EPDR1: variants seen among roughly 807,000 people sequenced by gnomAD.
EPDR1 encodes ependymin related 1, also known as mammalian ependymin-related protein 1.
In EPDR1, 27 loss-of-function variants were observed where a neutral mutation model predicts 23.7. The ratio of observed to expected loss-of-function variants is 1.14; its 90% CI spans 0.84 to 1.57. The LOEUF is 1.57. Ranked by LOEUF, EPDR1 falls within the 40% of genes most tolerant of loss-of-function variation. EPDR1 has a pLI of 0.00. For missense variants in EPDR1, 349 were observed against 290.4 expected, an observed-to-expected ratio of 1.20 and a Z score of -1.47; for synonymous variants, 137 against 118.2, an observed-to-expected ratio of 1.16 and a Z score of -1.03.
chr7:37,937,398 G>T (rs2722250), intron 1 of EPDR1, among the ~76,000 whole-genome samples: 51,555 of 151,938 alleles, frequency 0.34, 8,906 homozygotes, highest in South Asian at 0.46. Flanking sequence ...AAATGAAAAA[G>T]CCTTTGCATT....
intron 1 of EPDR1, among the ~76,000 whole-genome samples, chr7:37,931,656 G>T (rs1036904728): frequency 1.3e-5 from 2 of 152,124 alleles, no homozygotes; most frequent in South Asian, 4.2e-4. Context: ...TCCAGGTAAG[G>T]TGTAGTTTTA....
rs960574845 is a variant in EPDR1 at position 37,951,194 on chromosome 7, G to A, written c.*798G>A. On this transcript the variant is annotated 3_prime_UTR_variant, in exon 3 of 3. Coordinates refer to ENST00000199448, the MANE Select transcript of EPDR1 (RefSeq NM_017549.5). ...AATACACAGGCAGTATTCTAAAATA[G>A]CACTGAACAGGGAGTCAGGAGACTA... 6.6e-6 allele frequency: 1 copy of A among 152,152 alleles called. No individual in the cohort carries two copies. The highest frequency in any genetic ancestry group is 2.1e-4 in the South Asian group (1 of 4,826). The allele number at this position is 152,152 out of a possible 1,614,324, so 9.4% of individuals were successfully genotyped here.
chr7:37,942,657 A>C (rs752420518), intron 1 of EPDR1, among the ~76,000 whole-genome samples: 1 of 152,180 alleles, frequency 6.6e-6, no homozygotes, highest in Non-Finnish European at 1.5e-5. Flanking sequence ...TATTTAGAAG[A>C]ATATATGTCC....
chr7:37,922,670 G>GGGC (rs904890338), intron 1 of EPDR1, among the ~76,000 whole-genome samples: 3 of 151,234 alleles, frequency 2.0e-5, no homozygotes, highest in Non-Finnish European at 4.4e-5. Flanking sequence ...GAAGCTAGGG[G>GGGC]GGGGTTCTGA....
chr7:37,949,147 T>A, intron 2 of EPDR1, 99 bp downstream of exon 2: 1 of 1,215,416 alleles, frequency 8.2e-7, no homozygotes, highest in Non-Finnish European at 1.2e-6. Flanking sequence ...AACATCCGCT[T>A]AATCAAAAAT....
At position 37,950,378 on chromosome 7, in the gene EPDR1, C is replaced by T. The variant is rs771549927; in HGVS notation, c.657C>T (p.Ser219=). 1.1e-5 allele frequency: 18 copies of T among 1,612,772 alleles called. No individual in the cohort carries two copies. Among genetic ancestry groups the T allele is most frequent in the Middle Eastern group, 1.7e-4 (1 of 6,058 alleles). ...AGATGGCCCAACTGGAGAAGATGAG[C>T]GAAGACTGCTCCTGGTGAGCCTGTG... is the stretch of plus-strand genomic sequence containing the variant. ...TCQMAQLEKM[S]EDCSW The change falls in exon 3 of 3, where the codon AGC becomes AGT. Residue 219 remains serine (S), a synonymous_variant. Transcript: ENST00000199448.
intron 1 of EPDR1, among the ~76,000 whole-genome samples, chr7:37,944,334 A>G (rs1786230257): frequency 6.6e-6 from 1 of 152,134 alleles, no homozygotes; most frequent in South Asian, 2.1e-4. Context: ...TGACTATTAG[A>G]CCTCGGTTGC....
At chr7:37,945,113 T>C (rs13224546) in intron 1 of EPDR1, among the ~76,000 whole-genome samples, 17,689 of 152,156 alleles carry the variant, frequency 0.12, 1,172 homozygotes, top group East Asian at 0.31. Context: ...AAATGAACAA[T>C]GCTCTAAGAG....
intron 1 of EPDR1, among the ~76,000 whole-genome samples, chr7:37,941,598 G>A (rs1006969774): frequency 1.3e-5 from 2 of 152,142 alleles, no homozygotes; most frequent in African/African-American, 4.8e-5. Flanking sequence ...GCCACCATGA[G>A]GAAACTGCCA....
intron 1 of EPDR1, among the ~76,000 whole-genome samples, chr7:37,943,974 TGCTGGGCCTTTCCCAGCACA>T (rs1219116830): frequency 6.6e-6 from 1 of 152,212 alleles, no homozygotes; most frequent in East Asian, 1.9e-4. Flanking sequence ...CACAGGGCCA[TGCTGGGCCTTTCCCAGCACA>T]GCTGTGCTGG....
At chr7:37,932,957 C>A (rs543496218) in intron 1 of EPDR1, among the ~76,000 whole-genome samples, 13 of 152,230 alleles carry the variant, frequency 8.5e-5, no homozygotes, top group Non-Finnish European at 1.3e-4. Flanking sequence ...AGGCCCATCA[C>A]CTTACAGCTT....
chr7:37,933,209 C>T (rs1785978406), intron 1 of EPDR1, among the ~76,000 whole-genome samples: 1 of 152,250 alleles, frequency 6.6e-6, no homozygotes, highest in South Asian at 2.1e-4. Context: ...TCTTGAGAGT[C>T]AGATGGCCGG....
At chr7:37,925,404 G>A (rs182728060) in intron 1 of EPDR1, among the ~76,000 whole-genome samples, 16 of 152,264 alleles carry the variant, frequency 1.1e-4, no homozygotes, top group East Asian at 1.9e-4. Flanking sequence ...ATCACCAGTC[G>A]TACATGTTCT....
chr7:37,937,913 G>C (rs573159178), intron 1 of EPDR1, among the ~76,000 whole-genome samples: 71 of 151,380 alleles, frequency 4.7e-4, no homozygotes, highest in Admixed American at 7.3e-4. Flanking sequence ...AACAAAGTGA[G>C]GTCCTGGGAA....
intron 1 of EPDR1, among the ~76,000 whole-genome samples, chr7:37,939,061 CT>C (rs1169145828): frequency 6.6e-6 from 1 of 151,594 alleles, no homozygotes; most frequent in Non-Finnish European, 1.5e-5. Flanking sequence ...TCACTGCAAG[CT>C]CTGCCTCCTG....
intron 1 of EPDR1, among the ~76,000 whole-genome samples, chr7:37,942,942 C>T (rs571034488): frequency 6.6e-6 from 1 of 152,202 alleles, no homozygotes; most frequent in Non-Finnish European, 1.5e-5. Flanking sequence ...AACAAAAATC[C>T]TTTGTCCCAT....
chr7:37,944,715 A>C (rs1786238273), intron 1 of EPDR1, among the ~76,000 whole-genome samples: 1 of 152,202 alleles, frequency 6.6e-6, no homozygotes, highest in South Asian at 2.1e-4. Context: ...ACCTCCCCCC[A>C]GGTCCCTCCC....
chr7:37,944,263 T>C (rs1369367125), intron 1 of EPDR1, among the ~76,000 whole-genome samples: 3 of 152,222 alleles, frequency 2.0e-5, no homozygotes, highest in Admixed American at 2.0e-4. Context: ...ATTTGCGTTT[T>C]GGAAAATAGC....
At chr7:37,934,557 G>A in intron 1 of EPDR1, among the ~76,000 whole-genome samples, 1 of 152,000 alleles carries the variant, frequency 6.6e-6, no homozygotes, top group East Asian at 1.9e-4. Context: ...TAGCTCTAAG[G>A]GAGACTAAGA....
Sources: allele counts gnomAD v4.1 joint callset (sites outside exome capture counted in the v4.1 genomes callset), GRCh38; gene constraint gnomAD v4.1.1; transcripts MANE v1.5; gene names NCBI Gene and HGNC (gene_info 2026-07-23, HGNC 2026-07-21).